CPED1: variants seen among roughly 807,000 people sequenced by gnomAD.
CPED1 encodes the protein cadherin-like and PC-esterase domain-containing protein 1.
CPED1 carries 114 observed loss-of-function variants against 128.2 expected under a neutral mutation model. The observed-to-expected ratio is 0.89, with a 90% CI of 0.76 to 1.04. The LOEUF is 1.04. Among genes scored for constraint, CPED1 ranks in the 50% least tolerant of loss-of-function variants. The probability of loss-of-function intolerance (pLI) is 0.00; values close to 1 mark genes in which losing one functional copy is unlikely to be tolerated. For synonymous variants in CPED1, 462 were observed against 426.7 expected (o/e 1.08, Z -1.02); for missense variants, 1,211 against 1,207.1 (o/e 1.00, Z -0.05).
At chr7:121,119,436 A>T (rs929356110) in intron 7 of CPED1, among the ~76,000 whole-genome samples, 12 of 150,590 alleles carry the variant, frequency 8.0e-5, no homozygotes, top group African/African-American at 2.7e-4. Flanking sequence ...AAGTGTTGAG[A>T]TTACAGAAGT....
intron 22 of CPED1, among the ~76,000 whole-genome samples, chr7:121,289,854 C>T (rs1792656772): frequency 1.3e-5 from 2 of 151,996 alleles, no homozygotes; most frequent in Non-Finnish European, 2.9e-5. Flanking sequence ...ATATGCAGAA[C>T]ATGCAGGTTT....
intron 16 of CPED1, among the ~76,000 whole-genome samples, chr7:121,173,069 A>G (rs1302052848): frequency 2.6e-5 from 4 of 152,280 alleles, no homozygotes; most frequent in Admixed American, 2.6e-4. Context: ...GGCAGCTGAC[A>G]GGGGGTTGGT....
intron 3 of CPED1, among the ~76,000 whole-genome samples, chr7:121,030,810 G>T (rs962072159): frequency 6.6e-6 from 1 of 152,146 alleles, no homozygotes; most frequent in Admixed American, 6.6e-5. Context: ...ATCCACTTGA[G>T]GGGGGAGGTC....
At chr7:121,185,088 C>T (rs1796974008) in intron 16 of CPED1, among the ~76,000 whole-genome samples, 1 of 151,956 alleles carries the variant, frequency 6.6e-6, no homozygotes, top group South Asian at 2.1e-4. Flanking sequence ...ACAATGGGAG[C>T]AAGCAGATGT....
intron 2 of CPED1, among the ~76,000 whole-genome samples, chr7:121,009,807 A>C (rs1792115388): frequency 6.6e-6 from 1 of 152,126 alleles, no homozygotes; most frequent in African/African-American, 2.4e-5. Context: ...TTTGAAACGA[A>C]GTGGAGGAGA....
intron 16 of CPED1, among the ~76,000 whole-genome samples, chr7:121,196,051 A>G (rs1255149911): frequency 1.3e-5 from 2 of 152,020 alleles, no homozygotes; most frequent in African/African-American, 2.4e-5. Flanking sequence ...GAGGCCAAAG[A>G]AAACCTTGTT....
chr7:121,000,832 C>A (rs1791832838), intron 2 of CPED1, among the ~76,000 whole-genome samples: 1 of 152,140 alleles, frequency 6.6e-6, no homozygotes, highest in Non-Finnish European at 1.5e-5. Flanking sequence ...AGCTATAGGA[C>A]AACTGGTAAA....
At chr7:121,128,347 A>G in intron 10 of CPED1, 35 bp from the exon 11 acceptor site, 6 of 1,197,582 alleles carry the variant, frequency 5.0e-6, no homozygotes, top group Non-Finnish European at 7.5e-6. Context: ...TGACTTTTTA[A>G]CAATTGCTTA....
intron 16 of CPED1, among the ~76,000 whole-genome samples, chr7:121,194,461 A>AT (rs780275184): frequency 1.3e-5 from 2 of 152,006 alleles, no homozygotes; most frequent in African/African-American, 4.8e-5. Flanking sequence ...TTATTTTACC[A>AT]TTTTTTTCAG....
chr7:121,020,065 C>T (rs964216141), intron 3 of CPED1, among the ~76,000 whole-genome samples: 1 of 151,904 alleles, frequency 6.6e-6, no homozygotes, highest in African/African-American at 2.4e-5. Flanking sequence ...AATTTTCTGT[C>T]AATTTCTGAA....
At chr7:121,024,022 GGAATT>G (rs1379161347) in intron 3 of CPED1, among the ~76,000 whole-genome samples, 1 of 152,106 alleles carries the variant, frequency 6.6e-6, no homozygotes, top group African/African-American at 2.4e-5. Flanking sequence ...GGGGAAAAAA[GGAATT>G]GAATCAAAGA....
intron 16 of CPED1, 140 bp downstream of exon 16, chr7:121,142,281 TC>T: frequency 1.3e-6 from 1 of 755,596 alleles, no homozygotes; most frequent in Non-Finnish European, 2.1e-6. Flanking sequence ...AAAGTGAGAA[TC>T]CCAGCCAGGT....
Position 121,136,026 on chromosome 7 carries a change from CT to C in CPED1, c.1649-3del, listed in dbSNP as rs751361706. The C allele has an allele frequency of 0.084, 75,548 of 902,530 alleles. 17 individuals carry two copies. The highest frequency in any genetic ancestry group is 0.11 in the South Asian group (5,300 of 46,524). 55.9% of individuals were successfully genotyped at this position (902,530 alleles called of 1,614,324 possible). The stretch of plus-strand genomic sequence containing the variant: ...TGGTTTTTATTTTAAATTTACATTT[CT>C]TTTTTTTTTTAGCTGCAGTTCCACA... On this transcript the variant is annotated splice_polypyrimidine_tract_variant and intron_variant, in intron 13 of 22. Coordinates refer to ENST00000310396, the MANE Select transcript of CPED1 (RefSeq NM_024913.5).
chr7:121,254,901 T>A (rs1798767544), intron 18 of CPED1, among the ~76,000 whole-genome samples: 1 of 130,066 alleles, frequency 7.7e-6, no homozygotes, highest in African/African-American at 2.9e-5. Context: ...TGAAATTGAA[T>A]CAGTAATTAA....
chr7:121,215,480 G>A (rs547156003), intron 16 of CPED1, among the ~76,000 whole-genome samples: 59 of 152,172 alleles, frequency 3.9e-4, no homozygotes, highest in African/African-American at 1.3e-3. Flanking sequence ...CAGGGAAACT[G>A]CATACTTTAT....
chr7:121,127,321 C>T, intron 10 of CPED1, 64 bp downstream of exon 10: 1 of 995,212 alleles, frequency 1.0e-6, no homozygotes, highest in Admixed American at 2.5e-5. Context: ...GTGTCATTCT[C>T]CTTATTCTGC....
chr7:121,088,510 T>G (rs1476664088), intron 5 of CPED1, among the ~76,000 whole-genome samples: 1 of 150,810 alleles, frequency 6.6e-6, no homozygotes, highest in Non-Finnish European at 1.5e-5. Context: ...ATACAAAAAA[T>G]TAGTTGGGTG....
At chr7:121,178,238 T>C (rs2116489956) in intron 16 of CPED1, among the ~76,000 whole-genome samples, 1 of 152,160 alleles carries the variant, frequency 6.6e-6, no homozygotes, top group East Asian at 1.9e-4. Context: ...ACAACACCAC[T>C]GAATGAAAAA....
intron 16 of CPED1, among the ~76,000 whole-genome samples, chr7:121,191,973 G>T (rs1459000288): frequency 6.6e-6 from 1 of 151,952 alleles, no homozygotes; most frequent in Non-Finnish European, 1.5e-5. Context: ...ATATAAGTAG[G>T]CCTTAAAAAT....
Sources: gnomAD v4.1 joint callset for allele counts (sites outside exome capture counted in the v4.1 genomes callset) on GRCh38, gnomAD v4.1.1 for gene constraint, MANE v1.5 for transcripts, NCBI Gene and HGNC (gene_info 2026-07-23, HGNC 2026-07-21) for gene names.